KCTD8: variants seen among roughly 807,000 people sequenced by gnomAD.
KCTD8 encodes BTB/POZ domain-containing protein KCTD8.
In KCTD8, 27 loss-of-function variants were observed where a neutral mutation model predicts 31.5. The ratio of observed to expected loss-of-function variants is 0.86; its 90% CI spans 0.63 to 1.18. The LOEUF (loss-of-function observed/expected upper bound fraction) is 1.18. Among genes scored for constraint, KCTD8 ranks in the 50% most tolerant of loss-of-function variants. The probability of loss-of-function intolerance (pLI) is 0.00; values close to 1 mark genes in which losing one functional copy is unlikely to be tolerated. For missense variants in KCTD8, 658 were observed against 647.7 expected, an observed-to-expected ratio of 1.02 and a Z score of -0.17; for synonymous variants, 290 against 280.0, an observed-to-expected ratio of 1.04 and a Z score of -0.36.
Position 44,324,788 on chromosome 4 carries a change from A to G in KCTD8, c.961+122775T>C, listed in dbSNP as rs181890504. ...ATTTTCTTAATATAAGACTTTTTAA[A>G]TGTCTGAGCATCTGGTTGCTTAACA... is the stretch of plus-strand genomic sequence containing the variant. On this transcript the variant is annotated intron_variant, in intron 1 of 1. Transcript: ENST00000360029. Among the ~76,000 whole-genome samples the G allele has an allele frequency of 5.3e-4, 80 of 152,114 alleles. 1 individual carries two copies. In the East Asian group the frequency reaches 0.011, roughly 21 times the overall value.
intron 1 of KCTD8, among the ~76,000 whole-genome samples, chr4:44,437,026 A>C (rs1241168130): frequency 6.6e-6 from 1 of 151,816 alleles, no homozygotes; most frequent in East Asian, 1.9e-4. Flanking sequence ...TTCACTCATG[A>C]AACTGTCCAG....
At chr4:44,196,889 G>T (rs1428534057) in intron 1 of KCTD8, among the ~76,000 whole-genome samples, 1 of 152,190 alleles carries the variant, frequency 6.6e-6, no homozygotes, top group South Asian at 2.1e-4. Context: ...AGTATCTGCT[G>T]CCATAACACC....
intron 1 of KCTD8, among the ~76,000 whole-genome samples, chr4:44,234,391 A>G (rs7699496): frequency 0.28 from 42,208 of 152,076 alleles, 5,915 homozygotes; most frequent in South Asian, 0.32. Flanking sequence ...ATAAAAGCTG[A>G]GCTCCCTGTG....
At chr4:44,246,703 T>G (rs1457781476) in intron 1 of KCTD8, among the ~76,000 whole-genome samples, 1 of 152,028 alleles carries the variant, frequency 6.6e-6, no homozygotes, top group Non-Finnish European at 1.5e-5. Flanking sequence ...ATCACATGAC[T>G]TATTTCATTC....
At position 44,260,891 on chromosome 4, in the gene KCTD8, C is replaced by T. The variant is rs577001099; in HGVS notation, c.962-85641G>A. Reference sequence around the variant, plus strand: ...GTTCTTAAAAATATTACTCCGGTTGCTGTGTGATAAACAGACTTCAGTGAA... The same window carrying T: ...GTTCTTAAAAATATTACTCCGGTTGTTGTGTGATAAACAGACTTCAGTGAA... On this transcript the variant is annotated intron_variant, in intron 1 of 1. Transcript: ENST00000360029. Among the ~76,000 whole-genome samples, 8 of 152,002 alleles carry T rather than the reference C, an allele frequency of 5.3e-5. No individual in the cohort carries two copies. In the South Asian group the frequency reaches 1.7e-3, roughly 31 times the overall value.
intron 1 of KCTD8, among the ~76,000 whole-genome samples, chr4:44,222,289 C>A (rs931573200): frequency 6.6e-6 from 1 of 152,168 alleles, no homozygotes; most frequent in African/African-American, 2.4e-5. Context: ...ATCAGCCAGA[C>A]TGGCAGTCAG....
chr4:44,284,912 C>T (rs999509616), intron 1 of KCTD8, among the ~76,000 whole-genome samples: 3 of 152,070 alleles, frequency 2.0e-5, no homozygotes, highest in African/African-American at 7.2e-5. Context: ...CAAACCAAAA[C>T]CACAATGAGA....
chr4:44,324,780 CT>C lies in KCTD8; in HGVS notation c.961+122782del, dbSNP rs1718400238. ...AACATGTTATTTTCTTAATATAAGA[CT>C]TTTTAAATGTCTGAGCATCTGGTTG... is the stretch of plus-strand genomic sequence containing the variant. On this transcript the variant is annotated intron_variant, in intron 1 of 1. Coordinates refer to ENST00000360029, the MANE Select transcript of KCTD8 (RefSeq NM_198353.3). 1.3e-5 allele frequency among the ~76,000 whole-genome samples: 2 copies of C among 151,928 alleles called. 1 individual carries two copies. Among genetic ancestry groups the C allele is most frequent in the African/African-American group, 4.8e-5 (2 of 41,276 alleles).
chr4:44,225,045 A>C (rs1378790298), intron 1 of KCTD8, among the ~76,000 whole-genome samples: 1 of 152,178 alleles, frequency 6.6e-6, no homozygotes, highest in African/African-American at 2.4e-5. Flanking sequence ...TCTACTCCCC[A>C]ACAGCAACTC....
At chr4:44,183,982 GA>G (rs1252575460) in intron 1 of KCTD8, among the ~76,000 whole-genome samples, 1 of 152,138 alleles carries the variant, frequency 6.6e-6, no homozygotes, top group Non-Finnish European at 1.5e-5. Context: ...AGTCAAAAGG[GA>G]AAAACTCCAT....
At chr4:44,349,944 C>A (rs1012852545) in intron 1 of KCTD8, among the ~76,000 whole-genome samples, 1 of 152,122 alleles carries the variant, frequency 6.6e-6, no homozygotes, top group Non-Finnish European at 1.5e-5. Context: ...CAGAGGAGAA[C>A]ACTTCAGAGC....
At chr4:44,216,961 G>A (rs1714667980) in intron 1 of KCTD8, among the ~76,000 whole-genome samples, 1 of 152,128 alleles carries the variant, frequency 6.6e-6, no homozygotes, top group Non-Finnish European at 1.5e-5. Context: ...CACTAATCTA[G>A]AAATAATTGC....
chr4:44,321,713 T>C (rs1247795346), intron 1 of KCTD8, among the ~76,000 whole-genome samples: 1 of 152,164 alleles, frequency 6.6e-6, no homozygotes, highest in East Asian at 1.9e-4. Flanking sequence ...TTTCTCTAAT[T>C]GTATTGTTGT....
chr4:44,243,331 C>A (rs983252092), intron 1 of KCTD8, among the ~76,000 whole-genome samples: 1 of 152,176 alleles, frequency 6.6e-6, no homozygotes, highest in East Asian at 1.9e-4. Context: ...AGTATGGTTA[C>A]AAATGTTATA....
intron 1 of KCTD8, among the ~76,000 whole-genome samples, chr4:44,270,326 A>G (rs1166181643): frequency 7.0e-6 from 1 of 142,330 alleles, no homozygotes; most frequent in East Asian, 2.3e-4. Context: ...TCACTCATAG[A>G]TGGGAATTGA....
intron 1 of KCTD8, among the ~76,000 whole-genome samples, chr4:44,278,329 G>C (rs1210980520): frequency 6.6e-6 from 1 of 151,908 alleles, no homozygotes; most frequent in African/African-American, 2.4e-5. Flanking sequence ...AGGGTTTCTT[G>C]CTTTTTTCCA....
intron 1 of KCTD8, among the ~76,000 whole-genome samples, chr4:44,220,961 T>C (rs1396574232): frequency 1.3e-5 from 2 of 152,208 alleles, no homozygotes; most frequent in African/African-American, 2.4e-5. Context: ...TAAGAATCAA[T>C]ACTTTACTAT....
chr4:44,199,721 T>C (rs1714074554), intron 1 of KCTD8, among the ~76,000 whole-genome samples: 1 of 151,992 alleles, frequency 6.6e-6, no homozygotes, highest in Admixed American at 6.6e-5. Context: ...AAATTAATGA[T>C]TTAACATCAC....
intron 1 of KCTD8, among the ~76,000 whole-genome samples, chr4:44,411,404 G>C (rs79548501): frequency 3.4e-5 from 5 of 147,880 alleles, no homozygotes; most frequent in Admixed American, 6.7e-5. Flanking sequence ...AAAAAAAAAG[G>C]AGGGAGGGAG....
Sources: allele counts gnomAD v4.1 joint callset (sites outside exome capture counted in the v4.1 genomes callset), GRCh38; gene constraint gnomAD v4.1.1; transcripts MANE v1.5; gene names NCBI Gene and HGNC (gene_info 2026-07-23, HGNC 2026-07-21).